Variants in TCEA3 observed in about 807,000 individuals in gnomAD.
TCEA3 encodes the protein transcription elongation factor A3.
Under a neutral mutation model 44.0 loss-of-function variants are expected in TCEA3, and 36 were observed. That is an observed-to-expected ratio of 0.82 (90% CI 0.63 to 1.08). TCEA3 has a LOEUF of 1.08. TCEA3 is among the 50% of genes least tolerant of loss of function. TCEA3 has a pLI of 0.00. For missense variants in TCEA3, 392 were observed against 441.2 expected (o/e 0.89, Z 1.00); for synonymous variants, 162 against 159.7 (o/e 1.01, Z -0.11).
chr1:23,409,298 G>T (rs540394134), intron 4 of TCEA3, among the ~76,000 whole-genome samples: 6 of 152,230 alleles, frequency 3.9e-5, no homozygotes, highest in Non-Finnish European at 7.4e-5. Context: ...AGGAAAAGCA[G>T]ATCTAAAGAA....
At chr1:23,383,062 G>C (rs574423039) in intron 10 of TCEA3, among the ~76,000 whole-genome samples, 1 of 152,094 alleles carries the variant, frequency 6.6e-6, no homozygotes, top group Non-Finnish European at 1.5e-5. Context: ...GGCGGATCAC[G>C]AGGTCAGGAG....
At chr1:23,414,697 G>A (rs556955545) in intron 4 of TCEA3, among the ~76,000 whole-genome samples, 4 of 152,212 alleles carry the variant, frequency 2.6e-5, no homozygotes, top group African/African-American at 4.8e-5. Flanking sequence ...CACTGCACCC[G>A]GCCTATTTTC....
rs1640171556 is a variant in TCEA3 at position 23,424,729 on chromosome 1, G to C, written c.-96C>G. On this transcript the variant is annotated 5_prime_UTR_variant, in exon 1 of 11. Coordinates refer to ENST00000450454, the MANE Select transcript of TCEA3 (RefSeq NM_003196.3). ...AAGGCGGAGGGCGCGCAACCCGCGC[G>C]GGCCCCAAACACACACGACACACAC... The C allele has an allele frequency of 5.3e-6, 5 of 939,616 alleles. No individual in the cohort carries two copies. The highest frequency in any genetic ancestry group is 1.5e-5 in the South Asian group (1 of 66,654). 58.2% of individuals were successfully genotyped at this position (939,616 alleles called of 1,614,324 possible). A position where few individuals can be genotyped will look rare whatever the true frequency, so the allele number is the denominator to read the frequency against.
At chr1:23,384,305 T>C in intron 10 of TCEA3, 41 bp downstream of exon 10, 1 of 1,613,712 alleles carries the variant, frequency 6.2e-7, no homozygotes, top group South Asian at 1.1e-5. Flanking sequence ...GGGCGAGGTA[T>C]GTGGATAACA....
At chr1:23,398,076 G>T in intron 5 of TCEA3, 121 bp from the exon 6 acceptor site, 3 of 1,257,368 alleles carry the variant, frequency 2.4e-6, no homozygotes, top group Non-Finnish European at 3.3e-6. Context: ...CATGAGGTAG[G>T]TACTATTTTA....
At chr1:23,416,956 C>A (rs532218508) in intron 4 of TCEA3, among the ~76,000 whole-genome samples, 17 of 152,194 alleles carry the variant, frequency 1.1e-4, no homozygotes, top group Non-Finnish European at 2.1e-4. Flanking sequence ...GACTGCCGTG[C>A]GGTCTCCTAT....
chr1:23,386,910 C>T (rs190805781), intron 9 of TCEA3, among the ~76,000 whole-genome samples: 19 of 152,272 alleles, frequency 1.2e-4, no homozygotes, highest in East Asian at 1.9e-4. Flanking sequence ...TTAGCAGAGA[C>T]GGGGTTTCAC....
At chr1:23,395,662 C>CA (rs1442274720) in intron 7 of TCEA3, among the ~76,000 whole-genome samples, 6 of 151,884 alleles carry the variant, frequency 4.0e-5, no homozygotes, top group African/African-American at 7.3e-5. Context: ...CCCATGTCTA[C>CA]AAAAAATACA....
At chr1:23,385,337 C>T (rs532048374) in intron 9 of TCEA3, among the ~76,000 whole-genome samples, 3 of 152,210 alleles carry the variant, frequency 2.0e-5, no homozygotes, top group Non-Finnish European at 2.9e-5. Flanking sequence ...GTCTGCCAGG[C>T]GGACACAGCT....
chr1:23,408,500 G>T, intron 5 of TCEA3, 164 bp downstream of exon 5: 1 of 657,160 alleles, frequency 1.5e-6, no homozygotes, highest in Non-Finnish European at 2.6e-6. Flanking sequence ...CCCCAGGGCT[G>T]AAATGTGGAA....
At chr1:23,401,501 G>T (rs1258301241) in intron 5 of TCEA3, among the ~76,000 whole-genome samples, 1 of 152,108 alleles carries the variant, frequency 6.6e-6, no homozygotes, top group Non-Finnish European at 1.5e-5. Flanking sequence ...GAGTCAGATT[G>T]CAGCAGGAGG....
At chr1:23,424,141 C>A (rs1435533841) in intron 1 of TCEA3, among the ~76,000 whole-genome samples, 1 of 151,970 alleles carries the variant, frequency 6.6e-6, no homozygotes, top group Non-Finnish European at 1.5e-5. Flanking sequence ...TCTGCCACTT[C>A]TCGGGCCACC....
intron 1 of TCEA3, 146 bp downstream of exon 1, chr1:23,424,419 G>A: frequency 6.0e-6 from 4 of 668,038 alleles, no homozygotes; most frequent in Non-Finnish European, 1.0e-5. Context: ...AGGGGCCTTG[G>A]GCCCTGCACC....
intron 3 of TCEA3, 79 bp from the exon 4 acceptor site, chr1:23,417,469 C>G (rs1234708012): frequency 1.2e-5 from 19 of 1,529,220 alleles, no homozygotes; most frequent in Non-Finnish European, 8.8e-7. Context: ...GGGGAGAGAG[C>G]AAAGGGCAGG....
intron 10 of TCEA3, among the ~76,000 whole-genome samples, chr1:23,383,008 G>T (rs192849822): frequency 6.6e-6 from 1 of 152,196 alleles, no homozygotes; most frequent in African/African-American, 2.4e-5. Flanking sequence ...GGCCGGGCGC[G>T]GCGGCTCACG....
intron 5 of TCEA3, among the ~76,000 whole-genome samples, chr1:23,403,038 C>T (rs2148565733): frequency 6.6e-6 from 1 of 152,334 alleles, no homozygotes; most frequent in South Asian, 2.1e-4. Flanking sequence ...TCTCTCAAAG[C>T]CAGCCTCTGT....
intron 5 of TCEA3, among the ~76,000 whole-genome samples, chr1:23,407,806 A>G (rs926852485): frequency 6.6e-6 from 1 of 152,092 alleles, no homozygotes; most frequent in Non-Finnish European, 1.5e-5. Flanking sequence ...TTGACACATA[A>G]TAGGCCCTCA....
chr1:23,416,335 C>T (rs1639888505), intron 4 of TCEA3, among the ~76,000 whole-genome samples: 1 of 151,932 alleles, frequency 6.6e-6, no homozygotes, highest in African/African-American at 2.4e-5. Flanking sequence ...AGATTTTTAT[C>T]ACTCTTATTT....
rs1359506285 is a variant in TCEA3 at position 23,397,961 on chromosome 1, G to A, written c.444-6C>T. 1 of 1,613,536 alleles carries A rather than the reference G, an allele frequency of 6.2e-7. No homozygotes were observed. The highest frequency in any genetic ancestry group is 1.1e-5 in the South Asian group (1 of 91,014). ...TTGATTTGCTGCTGTTTGATCTGAGGATGACAATAAGTAACAGACATTTGA... is the reference window on the plus strand; with the variant it reads ...TTGATTTGCTGCTGTTTGATCTGAGAATGACAATAAGTAACAGACATTTGA... On this transcript the variant is annotated splice_region_variant and splice_polypyrimidine_tract_variant and intron_variant, in intron 5 of 10. Coordinates refer to ENST00000450454, the MANE Select transcript of TCEA3 (RefSeq NM_003196.3).
Sources: allele counts gnomAD v4.1 joint callset (sites outside exome capture counted in the v4.1 genomes callset), GRCh38; gene constraint gnomAD v4.1.1; transcripts MANE v1.5; gene names NCBI Gene and HGNC (gene_info 2026-07-23, HGNC 2026-07-21).